Variants in RYR2 observed in about 807,000 individuals in gnomAD.
RYR2 encodes the protein cardiac muscle ryanodine receptor-calcium release channel.
RYR2 carries 227 observed loss-of-function variants against 601.1 expected under a neutral mutation model. That is an observed-to-expected ratio of 0.38 (90% confidence interval 0.34 to 0.42). The LOEUF is 0.42. Ranked by LOEUF, RYR2 falls within the 10% of genes least tolerant of loss-of-function variation. The pLI, the probability that RYR2 is intolerant of heterozygous loss-of-function variation, is 1.00. For missense variants in RYR2, 4,646 were observed against 6,156.5 expected (o/e 0.75, Z 8.21); for synonymous variants, 2,223 against 2,175.1 (o/e 1.02, Z -0.61).
At position 237,230,853 on chromosome 1, in the gene RYR2, T is replaced by C. The variant is rs116192881; in HGVS notation, c.49-39644T>C. ...CTAAGACAGGAGAATTGTTTGAATC[T>C]AGGAGGTGGGGCTTGCAGTGAGCTG... On this transcript the variant is annotated intron_variant, in intron 1 of 104. Coordinates refer to ENST00000366574, the MANE Select transcript of RYR2 (RefSeq NM_001035.3). Among the ~76,000 whole-genome samples the C allele has an allele frequency of 6.3e-3, 886 of 141,618 alleles. 7 individuals carry two copies. The highest frequency in any genetic ancestry group is 0.022 in the African/African-American group (847 of 38,392). The allele number at this position is 141,618 out of a possible 152,430, so 92.9% of individuals were successfully genotyped here.
At chr1:237,208,724 C>T (rs923664028) in intron 1 of RYR2, among the ~76,000 whole-genome samples, 7 of 151,642 alleles carry the variant, frequency 4.6e-5, no homozygotes, top group Non-Finnish European at 8.8e-5. Flanking sequence ...GATGGAAACA[C>T]GTCAGTTCTA....
In RYR2 at chr1:237,441,496, A is replaced by G. The variant is rs753353364; in HGVS notation, c.1170+13A>G. 3 of 1,450,702 alleles carry G rather than the reference A, an allele frequency of 2.1e-6. No homozygotes were observed. The highest frequency in any genetic ancestry group is 2.7e-6 in the Non-Finnish European group (3 of 1,094,584). 89.9% of individuals were successfully genotyped at this position (1,450,702 alleles called of 1,614,324 possible). A position where few individuals can be genotyped will look rare whatever the true frequency, so the allele number is the denominator to read the frequency against. Reference sequence around the variant, plus strand: ...TATACAACGTAAGGTAAGGTGATAGAAAAAAACATAATTTATAGAAGTAAT... The same window carrying G: ...TATACAACGTAAGGTAAGGTGATAGGAAAAAACATAATTTATAGAAGTAAT... On this transcript the variant is annotated intron_variant, in intron 13 of 104. Transcript: ENST00000366574.
intron 29 of RYR2, among the ~76,000 whole-genome samples, chr1:237,578,726 T>C (rs1673550020): frequency 1.3e-5 from 1 of 75,952 alleles, no homozygotes; most frequent in South Asian, 4.2e-4. Context: ...GTGGTGGGAG[T>C]GGGGGCATGT....
chr1:237,614,117 C>A lies in RYR2; in HGVS notation c.4989C>A (p.Ala1663=), dbSNP rs147060179. 31 of 1,613,898 alleles carry A rather than the reference C, an allele frequency of 1.9e-5. No individual in the cohort carries two copies. The East Asian group carries it at 6.9e-4, about 36-fold the overall frequency. ...FHYHTLRLYS[A]VCALGNHRVA... ...ATCACACTCTCCGGCTCTACTCAGC[C>A]GTCTGTGCTCTTGGGAACCACCGGG... The change falls in exon 37 of 105, where the codon GCC becomes GCA. Residue 1663 remains alanine, a synonymous_variant. Transcript: ENST00000366574. The surrounding 1 kb of genome is among the most constrained non-coding windows in gnomAD (Gnocchi z 4.3).
In RYR2 at chr1:237,801,831, G is replaced by A. The variant is rs9428384; in HGVS notation, c.14091-25G>A. 0.4 allele frequency: 582,438 copies of A among 1,447,184 alleles called. 121,790 individuals are homozygous for A. The highest frequency in any genetic ancestry group is 0.64 in the East Asian group (28,014 of 43,560). 89.6% of individuals were successfully genotyped at this position (1,447,184 alleles called of 1,614,324 possible). A position where few individuals can be genotyped will look rare whatever the true frequency, so the allele number is the denominator to read the frequency against. On this transcript the variant is annotated intron_variant, in intron 97 of 104. Transcript: ENST00000366574. ...GTCTTTGGTTAATGTGCATAACTAC[G>A]CATTTTTTTTTTTTGTCATTGCAGA...
rs541765008 is a variant in RYR2 at position 237,353,349 on chromosome 1, A to T, written c.274-2616A>T. On this transcript the variant is annotated intron_variant, in intron 3 of 104. Transcript: ENST00000366574. ...CATGGTGAAACACCATCTCTACTAA[A>T]AATACAAAAATTAGCCGGGTGTGGT... Among the ~76,000 whole-genome samples, 24 of 152,114 alleles carry T rather than the reference A, an allele frequency of 1.6e-4. 1 individual carries two copies. The highest frequency in any genetic ancestry group is 5.3e-4 in the African/African-American group (22 of 41,494).
At chr1:237,052,809 T>A (rs969895005) in intron 1 of RYR2, among the ~76,000 whole-genome samples, 1 of 152,030 alleles carries the variant, frequency 6.6e-6, no homozygotes, top group Non-Finnish European at 1.5e-5. Flanking sequence ...ATACACAGGA[T>A]CCAATCCCTG....
intron 100 of RYR2, among the ~76,000 whole-genome samples, chr1:237,814,290 T>C (rs923646660): frequency 1.3e-5 from 2 of 152,222 alleles, no homozygotes; most frequent in Admixed American, 1.3e-4. Flanking sequence ...TTAATTTAGT[T>C]CTCAAAAGAT....
intron 1 of RYR2, among the ~76,000 whole-genome samples, chr1:237,068,992 T>C (rs1663984996): frequency 6.6e-6 from 1 of 152,186 alleles, no homozygotes. Context: ...AGAATTCCCT[T>C]TTTCAGAAAA....
At chr1:237,601,588 G>A (rs1421392960) in intron 34 of RYR2, among the ~76,000 whole-genome samples, 1 of 152,044 alleles carries the variant, frequency 6.6e-6, no homozygotes, top group African/African-American at 2.4e-5. Context: ...AGAGGATTTT[G>A]TATGTTCTCA....
At chr1:237,789,533 GGT>G (rs1262781445) in intron 92 of RYR2, among the ~76,000 whole-genome samples, 2 of 116,302 alleles carry the variant, frequency 1.7e-5, no homozygotes, top group East Asian at 4.7e-4. Flanking sequence ...TTCTATTATA[GGT>G]CATGGCTGCA....
intron 1 of RYR2, among the ~76,000 whole-genome samples, chr1:237,062,321 GAGA>G (rs1425368723): frequency 6.6e-6 from 1 of 152,168 alleles, no homozygotes; most frequent in African/African-American, 2.4e-5. Flanking sequence ...AGACCCGTTT[GAGA>G]AGAATTAACA....
intron 1 of RYR2, among the ~76,000 whole-genome samples, chr1:237,221,681 G>A (rs1683816565): frequency 6.6e-6 from 1 of 152,070 alleles, no homozygotes; most frequent in African/African-American, 2.4e-5. Flanking sequence ...TAGTAGCTAG[G>A]TTCATACCTA....
At chr1:237,520,162 C>T (rs550861520) in intron 24 of RYR2, among the ~76,000 whole-genome samples, 97 of 152,270 alleles carry the variant, frequency 6.4e-4, no homozygotes, top group Non-Finnish European at 1.1e-3. Flanking sequence ...ATTTTACATG[C>T]TGCAACTTTA....
chr1:237,648,094 A>G (rs990975495), intron 48 of RYR2, among the ~76,000 whole-genome samples: 1 of 152,228 alleles, frequency 6.6e-6, no homozygotes, highest in Non-Finnish European at 1.5e-5. Flanking sequence ...CTTAGAAAAG[A>G]GTGAACATCC....
chr1:237,146,781 G>A (rs1044087099), intron 1 of RYR2, among the ~76,000 whole-genome samples: 3 of 152,134 alleles, frequency 2.0e-5, no homozygotes, highest in Admixed American at 1.3e-4. Flanking sequence ...TATTCTAGTA[G>A]TTTTGTTCCT....
At chr1:237,369,461 A>AT in intron 5 of RYR2, 73 bp from the exon 6 acceptor site, 1 of 1,269,198 alleles carries the variant, frequency 7.9e-7, no homozygotes, top group Non-Finnish European at 1.1e-6. Context: ...GCAAGAGAGT[A>AT]TTTTATCAAC....
intron 2 of RYR2, among the ~76,000 whole-genome samples, chr1:237,299,391 A>G (rs1359853015): frequency 2.6e-5 from 4 of 152,188 alleles, no homozygotes; most frequent in Admixed American, 2.0e-4. Flanking sequence ...TATAAGGTTG[A>G]GTTATTCAGT....
intron 100 of RYR2, among the ~76,000 whole-genome samples, chr1:237,816,969 CT>C (rs890495618): frequency 1.2e-4 from 18 of 152,120 alleles, no homozygotes; most frequent in African/African-American, 3.6e-4. Flanking sequence ...CCAGGAGACT[CT>C]GATATGAGGT....
Sources: gnomAD v4.1 joint callset for allele counts (sites outside exome capture counted in the v4.1 genomes callset) on GRCh38, gnomAD v4.1.1 for gene constraint, Gnocchi (gnomAD v3.1) non-coding constraint, MANE v1.5 for transcripts, NCBI Gene and HGNC (gene_info 2026-07-23, HGNC 2026-07-21) for gene names.